SLC35F3: variants seen among roughly 807,000 people sequenced by gnomAD.
SLC35F3 encodes the protein solute carrier family 35 member F3.
Under a neutral mutation model 49.9 loss-of-function variants are expected in SLC35F3, and 25 were observed. The observed-to-expected ratio is 0.50, with a 90% CI of 0.37 to 0.70. The LOEUF (loss-of-function observed/expected upper bound fraction) is 0.70, where lower values mean the gene tolerates loss of function less well. SLC35F3 is among the 30% of genes least tolerant of loss of function. The pLI, the probability that SLC35F3 is intolerant of heterozygous loss-of-function variation, is 0.00. For missense variants in SLC35F3, 525 were observed against 639.8 expected (o/e 0.82, Z 1.94); for synonymous variants, 275 against 265.4 (o/e 1.04, Z -0.35).
intron 2 of SLC35F3, among the ~76,000 whole-genome samples, chr1:234,126,055 C>G (rs1335634888): frequency 1.3e-5 from 2 of 152,202 alleles, no homozygotes; most frequent in Non-Finnish European, 2.9e-5. Flanking sequence ...TTTAATAGTA[C>G]CCAGTTCATG....
At chr1:234,215,376 A>G (rs1667106187) in intron 2 of SLC35F3, among the ~76,000 whole-genome samples, 1 of 152,054 alleles carries the variant, frequency 6.6e-6, no homozygotes, top group Admixed American at 6.5e-5. Flanking sequence ...TTGCTTTCCA[A>G]TGGAGAAGGG....
At chr1:234,093,019 G>A (rs1665066336) in intron 2 of SLC35F3, among the ~76,000 whole-genome samples, 1 of 152,230 alleles carries the variant, frequency 6.6e-6, no homozygotes, top group Non-Finnish European at 1.5e-5. Flanking sequence ...CGAAGTGGGT[G>A]AAGTCTGACG....
intron 2 of SLC35F3, among the ~76,000 whole-genome samples, chr1:234,188,328 A>G (rs1312048165): frequency 6.6e-6 from 1 of 151,830 alleles, no homozygotes; most frequent in Non-Finnish European, 1.5e-5. Flanking sequence ...CTGCCTGGAA[A>G]CAGACTCAGT....
At chr1:234,170,275 G>T (rs1387467509) in intron 2 of SLC35F3, among the ~76,000 whole-genome samples, 1 of 152,184 alleles carries the variant, frequency 6.6e-6, no homozygotes, top group African/African-American at 2.4e-5. Flanking sequence ...ATTATAGAGG[G>T]GGGCACGGCA....
intron 2 of SLC35F3, among the ~76,000 whole-genome samples, chr1:234,103,592 A>G (rs1407593216): frequency 6.6e-6 from 1 of 152,190 alleles, no homozygotes. Context: ...GGGGTTGTAT[A>G]GTAGCTCTTA....
chr1:234,312,826 C>G (rs2102995605), intron 4 of SLC35F3, among the ~76,000 whole-genome samples: 1 of 151,906 alleles, frequency 6.6e-6, no homozygotes, highest in Middle Eastern at 3.4e-3. Context: ...AGGCACCCCG[C>G]CACGTTTTGT....
chr1:233,935,397 T>A (rs1355558615), intron 2 of SLC35F3, among the ~76,000 whole-genome samples: 1 of 152,054 alleles, frequency 6.6e-6, no homozygotes, highest in Non-Finnish European at 1.5e-5. Context: ...TGACTGCCTC[T>A]TCTAACTTTC....
At chr1:234,023,352 G>A (rs532583995) in intron 2 of SLC35F3, among the ~76,000 whole-genome samples, 6 of 152,234 alleles carry the variant, frequency 3.9e-5, no homozygotes, top group African/African-American at 1.4e-4. Context: ...CATTGATGAG[G>A]GTATGTCGTG....
chr1:234,124,029 G>A (rs1220344472), intron 2 of SLC35F3, among the ~76,000 whole-genome samples: 1 of 152,202 alleles, frequency 6.6e-6, no homozygotes, highest in East Asian at 1.9e-4. Flanking sequence ...AGCCATCTGT[G>A]AGTTTGATGA....
intron 2 of SLC35F3, among the ~76,000 whole-genome samples, chr1:234,128,583 T>C (rs1232368257): frequency 6.6e-6 from 1 of 152,142 alleles, no homozygotes; most frequent in Non-Finnish European, 1.5e-5. Flanking sequence ...TAGCTGAGAC[T>C]GAATTCAGTG....
chr1:234,096,843 G>C (rs1010030731), intron 2 of SLC35F3, among the ~76,000 whole-genome samples: 13 of 151,818 alleles, frequency 8.6e-5, no homozygotes, highest in Non-Finnish European at 1.8e-4. Flanking sequence ...ATACCCAGCA[G>C]TGGAATTGCT....
chr1:234,262,205 G>A (rs1249436043), intron 3 of SLC35F3, among the ~76,000 whole-genome samples: 1 of 152,060 alleles, frequency 6.6e-6, no homozygotes, highest in Non-Finnish European at 1.5e-5. Flanking sequence ...AGAGTGTGAA[G>A]CAATGTGCTA....
intron 2 of SLC35F3, among the ~76,000 whole-genome samples, chr1:234,189,033 CCATGGGACAAAAGAATCTGAA>C (rs1193769620): frequency 6.6e-6 from 1 of 152,036 alleles, no homozygotes; most frequent in Non-Finnish European, 1.5e-5. Context: ...AGGGAGCACC[CCATGGGACAAAAGAATCTGAA>C]CAGCAGCCTT....
chr1:234,041,139 G>A (rs1446542190), intron 2 of SLC35F3, among the ~76,000 whole-genome samples: 1 of 152,112 alleles, frequency 6.6e-6, no homozygotes, highest in East Asian at 1.9e-4. Flanking sequence ...GGGCTAATCT[G>A]CTTCTACAGT....
chr1:234,142,977 C>T (rs539331425), intron 2 of SLC35F3, among the ~76,000 whole-genome samples: 1 of 152,252 alleles, frequency 6.6e-6, no homozygotes, highest in South Asian at 2.1e-4. Context: ...TATGCATATA[C>T]ATAGTGAAAT....
intron 2 of SLC35F3, among the ~76,000 whole-genome samples, chr1:234,087,430 T>G (rs1038356390): frequency 2.6e-5 from 4 of 152,298 alleles, no homozygotes; most frequent in Admixed American, 6.5e-5. Flanking sequence ...CCTTCATACT[T>G]ACAGAGGGGC....
intron 2 of SLC35F3, among the ~76,000 whole-genome samples, chr1:233,983,443 A>C (rs1341771504): frequency 1.3e-5 from 2 of 152,244 alleles, no homozygotes; most frequent in Non-Finnish European, 2.9e-5. Flanking sequence ...TTCATAAAAC[A>C]TCTACAATCG....
At position 234,021,791 on chromosome 1, in the gene SLC35F3, C is replaced by A. The variant is rs1036361827; in HGVS notation, c.283+116033C>A. ...TCAGGTTTTTATTCTTGGTTAATTTCCCCCCATCTTAGGACCACCTATAAT... is the reference window on the plus strand; with the variant it reads ...TCAGGTTTTTATTCTTGGTTAATTTACCCCCATCTTAGGACCACCTATAAT... On this transcript the variant is annotated intron_variant, in intron 2 of 7. Transcript: ENST00000366618. 5.3e-5 allele frequency among the ~76,000 whole-genome samples: 8 copies of A among 152,240 alleles called. No individual in the cohort carries two copies. The East Asian group carries it at 5.8e-4, about 11-fold the overall frequency.
At chr1:234,243,584 A>G (rs1261159758) in intron 3 of SLC35F3, among the ~76,000 whole-genome samples, 1 of 152,206 alleles carries the variant, frequency 6.6e-6, no homozygotes, top group Non-Finnish European at 1.5e-5. Context: ...ATCCTTTTAG[A>G]GGATGTAGGA....
Sources: allele counts gnomAD v4.1 joint callset (sites outside exome capture counted in the v4.1 genomes callset), GRCh38; gene constraint gnomAD v4.1.1; transcripts MANE v1.5; gene names NCBI Gene and HGNC (gene_info 2026-07-23, HGNC 2026-07-21).